SEC14L1: variants seen among roughly 807,000 people sequenced by gnomAD.
SEC14L1 encodes SEC14 like lipid binding 1.
A neutral mutation model predicts 85.3 loss-of-function variants in SEC14L1; 48 were observed. That is an observed-to-expected ratio of 0.56 (90% CI 0.45 to 0.72). The LOEUF is 0.72. Among genes scored for constraint, SEC14L1 ranks in the 30% least tolerant of loss-of-function variants. The pLI is 0.00. For missense variants in SEC14L1, 682 were observed against 921.4 expected (o/e 0.74, Z 3.36); for synonymous variants, 391 against 355.5 (o/e 1.10, Z -1.12).
intron 1 of SEC14L1, chr17:77,141,782 C>T (rs553774682): frequency 6.6e-6 from 1 of 152,368 alleles, no homozygotes; most frequent in African/African-American, 2.4e-5. Flanking sequence ...GTTTCTTAAA[C>T]GAGCATTACG....
chr17:77,134,732 A>G (rs544027066), intron 3 of SEC14L1, among the ~76,000 whole-genome samples: 22 of 152,180 alleles, frequency 1.4e-4, no homozygotes, highest in Non-Finnish European at 2.4e-4. Context: ...CTCTGTCTCA[A>G]AAATAAATTA....
intron 3 of SEC14L1, among the ~76,000 whole-genome samples, chr17:77,167,279 C>G (rs569815552): frequency 3.8e-4 from 57 of 151,922 alleles, no homozygotes; most frequent in African/African-American, 1.4e-3. Flanking sequence ...GGATTACAAG[C>G]ACGCAGTACT....
chr17:77,121,767 T>C (rs1280067571), intron 3 of SEC14L1, among the ~76,000 whole-genome samples: 2 of 152,214 alleles, frequency 1.3e-5, no homozygotes, highest in African/African-American at 4.8e-5. Flanking sequence ...ACACAGCCTT[T>C]AACGGTGAAT....
intron 3 of SEC14L1, among the ~76,000 whole-genome samples, chr17:77,123,877 A>G (rs73998618): frequency 7.2e-5 from 11 of 152,226 alleles, no homozygotes; most frequent in Non-Finnish European, 1.3e-4. Flanking sequence ...GATGCCATGT[A>G]GACGGTCTGT....
intron 3 of SEC14L1, among the ~76,000 whole-genome samples, chr17:77,104,004 A>G (rs1425574191): frequency 6.6e-6 from 1 of 151,768 alleles, no homozygotes; most frequent in Non-Finnish European, 1.5e-5. Context: ...CTCACAGCTC[A>G]ATACCACCAG....
At chr17:77,111,361 A>T (rs1972041202) in intron 3 of SEC14L1, among the ~76,000 whole-genome samples, 1 of 151,756 alleles carries the variant, frequency 6.6e-6, no homozygotes, top group Non-Finnish European at 1.5e-5. Context: ...TGAGGTTAAG[A>T]TAAAAGATTG....
At chr17:77,161,712 CTTTTTTT>C (rs763767954) in intron 3 of SEC14L1, among the ~76,000 whole-genome samples, 7 of 103,050 alleles carry the variant, frequency 6.8e-5, no homozygotes, top group African/African-American at 1.8e-4. Flanking sequence ...TAAATTGGTT[CTTTTTTT>C]TTTTTTTTTT....
At chr17:77,091,669 T>C (rs974984362) in intron 2 of SEC14L1, among the ~76,000 whole-genome samples, 29 of 152,184 alleles carry the variant, frequency 1.9e-4, no homozygotes, top group Admixed American at 3.9e-4. Flanking sequence ...CAGTGCCACC[T>C]TTCCGGGAGT....
rs1447826963 is a variant in SEC14L1 at position 77,215,701 on chromosome 17, T to G, written c.*1678T>G. 1.0e-6 allele frequency: 1 copy of G among 994,978 alleles called. No homozygotes were observed. Among genetic ancestry groups the G allele is most frequent in the Non-Finnish European group, 1.2e-6 (1 of 834,598 alleles). 61.6% of individuals were successfully genotyped at this position (994,978 alleles called of 1,614,324 possible). A position where few individuals can be genotyped will look rare whatever the true frequency, so the allele number is the denominator to read the frequency against. ...CCTCAGTGGTACCTGAAGCCTTTGC[T>G]TCCGGAAAGCGCGGTAGGGTTCGTA... On this transcript the variant is annotated 3_prime_UTR_variant, in exon 17 of 17. Coordinates refer to ENST00000436233, the MANE Select transcript of SEC14L1 (RefSeq NM_001143998.2).
At chr17:77,175,144 C>T (rs1325968560) in intron 3 of SEC14L1, among the ~76,000 whole-genome samples, 1 of 152,144 alleles carries the variant, frequency 6.6e-6, no homozygotes, top group Non-Finnish European at 1.5e-5. Context: ...GGAGGTTGGG[C>T]TTCTGAACAA....
intron 3 of SEC14L1, among the ~76,000 whole-genome samples, chr17:77,134,532 C>T (rs760951424): frequency 2.0e-5 from 3 of 152,090 alleles, no homozygotes; most frequent in African/African-American, 4.8e-5. Context: ...CCCTGGCCAA[C>T]ATGGTGAAAC....
chr17:77,108,531 G>T (rs996101693), intron 3 of SEC14L1, among the ~76,000 whole-genome samples: 1 of 152,086 alleles, frequency 6.6e-6, no homozygotes, highest in Non-Finnish European at 1.5e-5. Flanking sequence ...GAGGTCAGGA[G>T]TTTGAGACCA....
intron 3 of SEC14L1, among the ~76,000 whole-genome samples, chr17:77,115,289 C>T (rs1363395469): frequency 2.6e-5 from 4 of 152,034 alleles, no homozygotes; most frequent in African/African-American, 4.8e-5. Context: ...ATTAGCTGGG[C>T]GTGGTGGTGT....
intron 3 of SEC14L1, among the ~76,000 whole-genome samples, chr17:77,161,854 T>C (rs1047816109): frequency 1.3e-5 from 2 of 151,010 alleles, no homozygotes; most frequent in Non-Finnish European, 3.0e-5. Flanking sequence ...TTGTTTCCCT[T>C]CCCTCCCCTC....
chr17:77,104,829 T>C (rs919259095), intron 3 of SEC14L1, among the ~76,000 whole-genome samples: 1 of 150,910 alleles, frequency 6.6e-6, no homozygotes, highest in African/African-American at 2.4e-5. Context: ...TTTGTGTGTG[T>C]GTGTGTCAAG....
intron 3 of SEC14L1, among the ~76,000 whole-genome samples, chr17:77,120,349 C>A (rs75280073): frequency 0.01 from 1,555 of 152,266 alleles, 32 homozygotes; most frequent in African/African-American, 0.036. Flanking sequence ...ATGTCACAAC[C>A]ACAGTGCCAT....
intron 3 of SEC14L1, among the ~76,000 whole-genome samples, chr17:77,099,900 G>GT (rs1197388781): frequency 6.6e-6 from 1 of 151,848 alleles, no homozygotes. Flanking sequence ...GGCTTCATGC[G>GT]TTTTTTGTTG....
intron 3 of SEC14L1, among the ~76,000 whole-genome samples, chr17:77,146,393 T>C (rs1402324549): frequency 6.6e-6 from 1 of 151,984 alleles, no homozygotes; most frequent in Non-Finnish European, 1.5e-5. Context: ...AAAGAGGAGG[T>C]GTTTGGATTG....
At chr17:77,131,349 A>G (rs1972605478) in intron 3 of SEC14L1, among the ~76,000 whole-genome samples, 1 of 152,094 alleles carries the variant, frequency 6.6e-6, no homozygotes, top group Admixed American at 6.5e-5. Flanking sequence ...GGCTCACTGC[A>G]ACCTCTGCCT....
Sources: gnomAD v4.1 joint callset for allele counts (sites outside exome capture counted in the v4.1 genomes callset) on GRCh38, gnomAD v4.1.1 for gene constraint, MANE v1.5 for transcripts, NCBI Gene and HGNC (gene_info 2026-07-23, HGNC 2026-07-21) for gene names.